GLRB: variants seen among roughly 807,000 people sequenced by gnomAD.
The protein encoded by GLRB is glycine receptor subunit beta.
Under a neutral mutation model 54.2 loss-of-function variants are expected in GLRB, and 33 were observed. That is an observed-to-expected ratio of 0.61 (90% CI 0.46 to 0.81). The LOEUF (loss-of-function observed/expected upper bound fraction) is 0.81. Ranked by LOEUF, GLRB falls within the 40% of genes least tolerant of loss-of-function variation. The probability of loss-of-function intolerance (pLI) is 0.00; values close to 1 mark genes in which losing one functional copy is unlikely to be tolerated. For synonymous variants in GLRB, 209 were observed against 208.2 expected (o/e 1.00, Z -0.03); for missense variants, 572 against 584.6 (o/e 0.98, Z 0.22).
chr4:157,079,292 T>C (rs1020828129), intron 2 of GLRB, among the ~76,000 whole-genome samples: 1 of 152,210 alleles, frequency 6.6e-6, no homozygotes, highest in East Asian at 1.9e-4. Flanking sequence ...TAACATTTTA[T>C]TCCAGCATCA....
chr4:157,159,533 T>A lies in GLRB; in HGVS notation c.1197+6523T>A, dbSNP rs572466007. 3.3e-5 allele frequency among the ~76,000 whole-genome samples: 5 copies of A among 152,324 alleles called. No homozygotes were observed. The East Asian group carries it at 9.6e-4, about 29-fold the overall frequency. Reference sequence around the variant, plus strand: ...TCAATACCTAATTTATTGAGAGTTTTTAGCATGAAGGGCTGTTGAATTTTG... The same window carrying A: ...TCAATACCTAATTTATTGAGAGTTTATAGCATGAAGGGCTGTTGAATTTTG... On this transcript the variant is annotated intron_variant, in intron 9 of 9. Transcript: ENST00000264428.
chr4:157,092,445 C>A (rs187679384), intron 2 of GLRB, among the ~76,000 whole-genome samples: 13 of 152,260 alleles, frequency 8.5e-5, no homozygotes, highest in Admixed American at 3.3e-4. Context: ...GATAGTAGAA[C>A]CTCTTTAAAG....
chr4:157,171,809 G>C lies in GLRB; in HGVS notation c.*1081G>C, dbSNP rs907052451. On this transcript the variant is annotated 3_prime_UTR_variant, in exon 10 of 10. Transcript: ENST00000264428. ...TTTGTGTTAGACTTCACTTCTACTT[G>C]TATTTTCTTTCTTGTTAAAAGTCTA... 2.6e-5 allele frequency: 4 copies of C among 151,708 alleles called. No homozygotes were observed. Among genetic ancestry groups the C allele is most frequent in the African/African-American group, 9.7e-5 (4 of 41,396 alleles). The allele number at this position is 151,708 out of a possible 1,614,324, so 9.4% of individuals were successfully genotyped here.
intron 4 of GLRB, among the ~76,000 whole-genome samples, chr4:157,134,087 C>T (rs1736314255): frequency 6.6e-6 from 1 of 151,970 alleles, no homozygotes; most frequent in Admixed American, 6.6e-5. Context: ...TACAGAATGA[C>T]TTCTTTTTTA....
chr4:157,091,357 A>G (rs1734604347), intron 2 of GLRB: 1 of 152,216 alleles, frequency 6.6e-6, no homozygotes, highest in African/African-American at 2.4e-5. Context: ...TTCTGCTACT[A>G]TATGATGTTG....
intron 9 of GLRB, among the ~76,000 whole-genome samples, chr4:157,154,983 C>A (rs184397909): frequency 6.6e-6 from 1 of 152,166 alleles, no homozygotes; most frequent in East Asian, 1.9e-4. Flanking sequence ...ACATTTAGAG[C>A]CACATTATAG....
Position 157,171,744 on chromosome 4 carries a change from A to G in GLRB, c.*1016A>G, listed in dbSNP as rs1737931229. On this transcript the variant is annotated 3_prime_UTR_variant, in exon 10 of 10. Transcript: ENST00000264428. The stretch of plus-strand genomic sequence containing the variant: ...TTTTTTATTTGAATATTTTGGGATT[A>G]GTTACAAAATATTTAGAGATTAAAT... The G allele has an allele frequency of 3.3e-5, 5 of 152,022 alleles. No individual in the cohort carries two copies. In the South Asian group the frequency reaches 1.0e-3, roughly 31 times the overall value. The allele number at this position is 152,022 out of a possible 1,614,324, so 9.4% of individuals were successfully genotyped here.
chr4:157,100,421 C>A (rs1403100995), intron 2 of GLRB, among the ~76,000 whole-genome samples: 2 of 152,126 alleles, frequency 1.3e-5, no homozygotes, highest in African/African-American at 4.8e-5. Flanking sequence ...TTATTTGCTT[C>A]TCTTTTCTGC....
At chr4:157,091,965 A>C (rs1384099108) in intron 2 of GLRB, among the ~76,000 whole-genome samples, 1 of 152,194 alleles carries the variant, frequency 6.6e-6, no homozygotes, top group African/African-American at 2.4e-5. Flanking sequence ...ATACAAAATC[A>C]AATGCTACAA....
chr4:157,081,898 C>T (rs987551602), intron 2 of GLRB, among the ~76,000 whole-genome samples: 8 of 152,124 alleles, frequency 5.3e-5, no homozygotes, highest in South Asian at 2.1e-4. Flanking sequence ...ACACAAGGTT[C>T]CTGATGAACT....
Position 157,138,826 on chromosome 4 carries a change from G to T in GLRB, c.628G>T (p.Asp210Tyr), listed in dbSNP as rs1028736141. Residue 210 changes from aspartate (D) to tyrosine (Y), a missense_variant, in exon 7 of 10, where the codon GAT becomes TAT. Physicochemically the swap from Asp to Tyr is radical, Grantham distance 160. Coordinates refer to ENST00000264428, the MANE Select transcript of GLRB (RefSeq NM_000824.5). The part of the protein sequence containing the change: ...QLESFGYTTD[D>Y]LRFIWQSGDP... Reference sequence around the variant, plus strand: ...GTTTATAGTTGGTTACACAACTGATGATTTACGATTTATCTGGCAGTCAGG... The same window carrying T: ...GTTTATAGTTGGTTACACAACTGATTATTTACGATTTATCTGGCAGTCAGG... 1 of 1,551,292 alleles carries T rather than the reference G, an allele frequency of 6.4e-7. No individual in the cohort carries two copies. The highest frequency in any genetic ancestry group is 8.9e-7 in the Non-Finnish European group (1 of 1,124,070).
chr4:157,139,009 C>A, intron 7 of GLRB, 60 bp downstream of exon 7: 1 of 934,272 alleles, frequency 1.1e-6, no homozygotes, highest in Non-Finnish European at 1.8e-6. Context: ...TTAATTAATA[C>A]ATAGCCAAGG....
chr4:157,095,871 T>C (rs72978495), intron 2 of GLRB, among the ~76,000 whole-genome samples: 8,217 of 152,176 alleles, frequency 0.054, 255 homozygotes, highest in Middle Eastern at 0.12. Context: ...GAATATTTAC[T>C]GTGCCTCAGA....
intron 2 of GLRB, among the ~76,000 whole-genome samples, chr4:157,104,768 A>G (rs1735159716): frequency 6.6e-6 from 1 of 151,758 alleles, no homozygotes; most frequent in South Asian, 2.1e-4. Flanking sequence ...CTGTTTCTTT[A>G]TGATTCAGTC....
intron 2 of GLRB, among the ~76,000 whole-genome samples, chr4:157,104,910 T>C (rs1735165596): frequency 6.6e-6 from 1 of 151,970 alleles, no homozygotes; most frequent in African/African-American, 2.4e-5. Flanking sequence ...GCCCCTTCTT[T>C]CATTTTGATT....
intron 2 of GLRB, among the ~76,000 whole-genome samples, chr4:157,113,705 C>T (rs1251956983): frequency 1.3e-5 from 2 of 151,920 alleles, no homozygotes; most frequent in East Asian, 3.9e-4. Context: ...TCCTGAAACC[C>T]AGGTGAGGGG....
chr4:157,120,284 A>G (rs977878913), intron 2 of GLRB, among the ~76,000 whole-genome samples: 2 of 150,590 alleles, frequency 1.3e-5, no homozygotes, highest in Non-Finnish European at 3.0e-5. Context: ...CCTAATGCTA[A>G]ATGACAAGTT....
intron 2 of GLRB, among the ~76,000 whole-genome samples, chr4:157,081,409 A>ACCGT (rs1460856808): frequency 6.6e-6 from 1 of 152,132 alleles, no homozygotes; most frequent in Non-Finnish European, 1.5e-5. Context: ...TTTCAACTTG[A>ACCGT]CCGTCCCGTC....
intron 2 of GLRB, among the ~76,000 whole-genome samples, chr4:157,088,781 T>G (rs1734502181): frequency 1.3e-5 from 2 of 152,186 alleles, no homozygotes; most frequent in Non-Finnish European, 2.9e-5. Flanking sequence ...GTTTTAAATT[T>G]TCTTCGTTTC....
Sources: allele counts gnomAD v4.1 joint callset (sites outside exome capture counted in the v4.1 genomes callset), GRCh38; gene constraint gnomAD v4.1.1; transcripts MANE v1.5; gene names NCBI Gene and HGNC (gene_info 2026-07-23, HGNC 2026-07-21).